Variants in ATG4C observed in about 807,000 individuals in gnomAD.
ATG4C encodes cysteine protease ATG4C.
A neutral mutation model predicts 57.6 loss-of-function variants in ATG4C; 56 were observed. That is an observed-to-expected ratio of 0.97 (90% CI 0.78 to 1.21). ATG4C has a LOEUF of 1.21. Among genes scored for constraint, ATG4C ranks in the 50% most tolerant of loss-of-function variants. The probability of loss-of-function intolerance (pLI) is 0.00; values close to 1 mark genes in which losing one functional copy is unlikely to be tolerated. For synonymous variants in ATG4C, 157 were observed against 174.1 expected (o/e 0.90, Z 0.78); for missense variants, 595 against 529.8 (o/e 1.12, Z -1.21).
chr1:62,827,013 T>G (rs958596321), intron 6 of ATG4C, among the ~76,000 whole-genome samples: 5 of 152,118 alleles, frequency 3.3e-5, no homozygotes, highest in African/African-American at 1.2e-4. Flanking sequence ...AGTAAAGGAA[T>G]AAAAAAGTTG....
intron 3 of ATG4C, among the ~76,000 whole-genome samples, chr1:62,812,992 A>G (rs1665137418): frequency 1.3e-5 from 2 of 152,196 alleles, no homozygotes; most frequent in Admixed American, 6.5e-5. Flanking sequence ...AAATGGAAAA[A>G]CATTCCATGC....
intron 1 of ATG4C, among the ~76,000 whole-genome samples, chr1:62,797,215 C>T (rs1388813340): frequency 2.0e-5 from 3 of 152,068 alleles, no homozygotes; most frequent in East Asian, 1.9e-4. Flanking sequence ...ATTTATGTAT[C>T]GACATGCATA....
At chr1:62,855,850 T>C (rs1666665188) in intron 10 of ATG4C, among the ~76,000 whole-genome samples, 1 of 152,266 alleles carries the variant, frequency 6.6e-6, no homozygotes, top group Non-Finnish European at 1.5e-5. Context: ...ATAAGCACTA[T>C]GCTGTATAGT....
chr1:62,864,136 A>T lies in ATG4C; in HGVS notation c.1354A>T (p.Thr452Ser). The change falls in exon 11 of 11, where the codon ACG (threonine) becomes TCG (serine). Residue 452 changes from threonine (T) to serine (S), a missense_variant. Physicochemically the swap from Thr to Ser is moderately conservative, Grantham distance 58. Transcript: ENST00000317868. ...DEKKQLKRFS[T>S]EEFVLL ...AAAGAAACAATTAAAAAGATTTAGC[A>T]CGGAAGAGTTTGTCTTGCTTTAAAG... 1.2e-6 allele frequency: 2 copies of T among 1,603,638 alleles called. No individual in the cohort carries two copies.
chr1:62,798,501 ACT>A (rs1664546755), intron 1 of ATG4C, among the ~76,000 whole-genome samples: 1 of 151,684 alleles, frequency 6.6e-6, no homozygotes, highest in South Asian at 2.1e-4. Context: ...TGGTAAGGCA[ACT>A]CTCCTCTTCA....
At chr1:62,843,437 G>C (rs1666232070) in intron 10 of ATG4C, among the ~76,000 whole-genome samples, 1 of 152,066 alleles carries the variant, frequency 6.6e-6, no homozygotes, top group Non-Finnish European at 1.5e-5. Context: ...TGCCTGGAAG[G>C]TTATAAGTTA....
At chr1:62,802,430 G>T (rs546134561) in intron 1 of ATG4C, among the ~76,000 whole-genome samples, 1 of 149,270 alleles carries the variant, frequency 6.7e-6, no homozygotes, top group East Asian at 2.0e-4. Flanking sequence ...TCGGATTAAC[G>T]ATCCTCAACT....
chr1:62,843,907 A>G (rs750611822), intron 10 of ATG4C, among the ~76,000 whole-genome samples: 8 of 152,186 alleles, frequency 5.3e-5, no homozygotes, highest in Non-Finnish European at 7.3e-5. Context: ...TTGATAGAGG[A>G]AAGAAGAGGG....
intron 1 of ATG4C, among the ~76,000 whole-genome samples, chr1:62,789,826 GAAAT>G (rs747718560): frequency 4.0e-5 from 6 of 151,818 alleles, no homozygotes; most frequent in Non-Finnish European, 5.9e-5. Flanking sequence ...CAAAAAAAAA[GAAAT>G]AAAAGAAATG....
chr1:62,834,229 C>T (rs1665928419), intron 8 of ATG4C, 113 bp downstream of exon 8: 1 of 865,034 alleles, frequency 1.2e-6, no homozygotes, highest in Non-Finnish European at 1.8e-6. Flanking sequence ...GTACCTTATA[C>T]ATTCATCAGT....
intron 3 of ATG4C, among the ~76,000 whole-genome samples, chr1:62,813,515 A>G (rs1390052720): frequency 1.3e-5 from 2 of 152,230 alleles, no homozygotes; most frequent in Admixed American, 6.5e-5. Flanking sequence ...AACCTAGGCA[A>G]TACCATTCAG....
At chr1:62,848,617 T>C (rs2100354035) in intron 10 of ATG4C, among the ~76,000 whole-genome samples, 1 of 152,354 alleles carries the variant, frequency 6.6e-6, no homozygotes, top group African/African-American at 2.4e-5. Flanking sequence ...GAGAATAAGT[T>C]GCTAGCATGA....
intron 1 of ATG4C, among the ~76,000 whole-genome samples, chr1:62,784,602 C>T (rs1664021901): frequency 6.6e-6 from 1 of 152,100 alleles, no homozygotes; most frequent in South Asian, 2.1e-4. Context: ...CCTCCTCATG[C>T]CAGTGCTCTG....
intron 10 of ATG4C, among the ~76,000 whole-genome samples, chr1:62,861,775 T>C (rs1237863182): frequency 6.6e-6 from 1 of 152,208 alleles, no homozygotes; most frequent in Non-Finnish European, 1.5e-5. Flanking sequence ...TTTTTAAGGA[T>C]TATGTAATAA....
chr1:62,826,472 G>A (rs74588966), intron 6 of ATG4C, among the ~76,000 whole-genome samples: 2 of 151,134 alleles, frequency 1.3e-5, no homozygotes, highest in Admixed American at 6.6e-5. Flanking sequence ...TCCTGACCTC[G>A]TGATCTGCCC....
rs772053219 is a variant in ATG4C at position 62,829,103 on chromosome 1, A to T, written c.860A>T (p.Lys287Ile). ...ASMTSDNADD[K>I]AVIILVPVRL... is the part of the protein sequence containing the mutation. ...ATGACTTCTGATAATGCAGATGACA[A>T]AGCTGTTATTATTCTAGTTCCTGTT... Residue 287 changes from lysine (K) to isoleucine (I), a missense_variant, in exon 7 of 11, where the codon AAA becomes ATA. Lys to Ile is a moderately radical substitution (Grantham distance 102). Coordinates refer to ENST00000317868, the MANE Select transcript of ATG4C (RefSeq NM_032852.4). 6.2e-7 allele frequency: 1 copy of T among 1,613,184 alleles called. No individual in the cohort carries two copies. The highest frequency in any genetic ancestry group is 8.5e-7 in the Non-Finnish European group (1 of 1,179,368).
intron 10 of ATG4C, among the ~76,000 whole-genome samples, chr1:62,854,021 ATTCTG>A (rs1666600141): frequency 6.6e-6 from 1 of 151,596 alleles, no homozygotes; most frequent in South Asian, 2.1e-4. Context: ...CCTTCTACCT[ATTCTG>A]TTGTTCTTAA....
intron 3 of ATG4C, 150 bp from the exon 4 acceptor site, chr1:62,816,425 A>G: frequency 3.3e-6 from 2 of 601,364 alleles, no homozygotes; most frequent in Non-Finnish European, 5.3e-6. Context: ...ATCTAACTTG[A>G]TTTTCATATC....
intron 10 of ATG4C, among the ~76,000 whole-genome samples, chr1:62,843,736 T>C (rs554117204): frequency 3.4e-4 from 52 of 152,270 alleles, no homozygotes; most frequent in African/African-American, 1.2e-3. Context: ...TGCATAACTA[T>C]CATATACAGA....
Sources: gnomAD v4.1 joint callset for allele counts (sites outside exome capture counted in the v4.1 genomes callset) on GRCh38, gnomAD v4.1.1 for gene constraint, MANE v1.5 for transcripts, NCBI Gene and HGNC (gene_info 2026-07-23, HGNC 2026-07-21) for gene names.